The following PDE1C variants were observed in gnomAD, a reference collection of about 807,000 sequenced individuals.
PDE1C encodes dual specificity calcium/calmodulin-dependent 3',5'-cyclic nucleotide phosphodiesterase 1C.
PDE1C carries 62 observed loss-of-function variants against 93.1 expected under a neutral mutation model. That is an observed-to-expected ratio of 0.67 (90% CI 0.54 to 0.82). The LOEUF is 0.82. Ranked by LOEUF, PDE1C falls within the 40% of genes least tolerant of loss-of-function variation. PDE1C has a pLI of 0.00. For synonymous variants in PDE1C, 325 were observed against 310.1 expected, an observed-to-expected ratio of 1.05 and a Z score of -0.50; for missense variants, 742 against 884.6, an observed-to-expected ratio of 0.84 and a Z score of 2.04.
chr7:31,634,789 G>A, the PDE1C span, among the ~76,000 whole-genome samples: 19 of 152,338 alleles, frequency 1.2e-4, no homozygotes, highest in South Asian at 2.3e-3. Flanking sequence ...TAGGTGATAA[G>A]ATCTAGCTGG....
At chr7:32,296,063 T>C (rs1001488309) in intron 1 of PDE1C, among the ~76,000 whole-genome samples, 1 of 152,158 alleles carries the variant, frequency 6.6e-6, no homozygotes, top group Non-Finnish European at 1.5e-5. Context: ...GTTTTTTAAA[T>C]AACACATTTT....
In PDE1C at chr7:32,420,256, T is replaced by C. The variant is rs375558336; in HGVS notation, c.310+7566A>G. Reference sequence around the variant, plus strand: ...GTATATATATGTGTATATATATACATGTGTATATATATGTGTATATATATA... The same window carrying C: ...GTATATATATGTGTATATATATACACGTGTATATATATGTGTATATATATA... On this transcript the variant is annotated intron_variant, in intron 1 of 1. Coordinates refer to the PDE1C transcript ENST00000672256. 5.5e-4 allele frequency among the ~76,000 whole-genome samples: 21 copies of C among 38,464 alleles called. 8 individuals carry two copies. In the East Asian group the frequency reaches 0.013, roughly 25 times the overall value. The allele number at this position is 38,464 out of a possible 152,430, so 25.2% of individuals were successfully genotyped here. A position where few individuals can be genotyped will look rare whatever the true frequency, so the allele number is the denominator to read the frequency against.
the PDE1C span, chr7:31,642,634 C>A: frequency 6.5e-7 from 1 of 1,539,060 alleles, no homozygotes. Flanking sequence ...AACCTATTGC[C>A]TCCTCCACTT....
chr7:32,012,907 T>G (rs891425417), intron 2 of PDE1C, among the ~76,000 whole-genome samples: 1 of 152,230 alleles, frequency 6.6e-6, no homozygotes, highest in African/African-American at 2.4e-5. Flanking sequence ...ATTCATAACA[T>G]ACATTTCACA....
At chr7:31,727,599 G>A in the PDE1C span, among the ~76,000 whole-genome samples, 2 of 152,142 alleles carry the variant, frequency 1.3e-5, no homozygotes, top group East Asian at 1.9e-4. Context: ...TTTTATAGAG[G>A]AGGAAACTGA....
chr7:32,246,096 G>T (rs1562614942), intron 1 of PDE1C, among the ~76,000 whole-genome samples: 2 of 151,044 alleles, frequency 1.3e-5, no homozygotes, highest in African/African-American at 4.9e-5. Context: ...AGCCTCCTGA[G>T]TAGCTGGGAC....
chr7:32,229,357 T>C (rs1807523133), intron 1 of PDE1C, among the ~76,000 whole-genome samples: 1 of 152,170 alleles, frequency 6.6e-6, no homozygotes, highest in Non-Finnish European at 1.5e-5. Context: ...CACATCATAG[T>C]CAACAGATTT....
At chr7:31,695,555 G>A in the PDE1C span, 3 of 1,613,876 alleles carry the variant, frequency 1.9e-6, no homozygotes, top group Non-Finnish European at 1.7e-6. Context: ...CCTGAATGTT[G>A]AGTCAGACCA....
intron 2 of PDE1C, among the ~76,000 whole-genome samples, chr7:31,918,833 T>C (rs904974349): frequency 6.6e-6 from 1 of 152,210 alleles, no homozygotes; most frequent in Admixed American, 6.5e-5. Context: ...CTGCCCTGCG[T>C]AGCCAGAAGC....
intron 3 of PDE1C, among the ~76,000 whole-genome samples, chr7:32,117,877 A>G (rs1375879635): frequency 6.6e-6 from 1 of 152,232 alleles, no homozygotes; most frequent in Non-Finnish European, 1.5e-5. Context: ...TGAACTCATC[A>G]GCCAAAAGAA....
intron 14 of PDE1C, chr7:31,820,728 C>G (rs1274440908): frequency 1.3e-5 from 2 of 152,076 alleles, no homozygotes; most frequent in African/African-American, 4.8e-5. Flanking sequence ...ACCAGTCAAC[C>G]AGTCAACAGC....
chr7:32,356,330 G>GA (rs2128083977), intron 1 of PDE1C, among the ~76,000 whole-genome samples: 1 of 152,208 alleles, frequency 6.6e-6, no homozygotes, highest in Middle Eastern at 3.4e-3. Flanking sequence ...AGAGCAAAGA[G>GA]AAAAAAGGTT....
At position 31,969,404 on chromosome 7, in the gene PDE1C, C is replaced by T. The variant is rs190457131; in HGVS notation, c.128+82150G>A. Reference sequence around the variant, plus strand: ...ACACATGAAAAAATGCTCATCATCACTGGCCATCAGAGAAATGCAAATCAA... The same window carrying T: ...ACACATGAAAAAATGCTCATCATCATTGGCCATCAGAGAAATGCAAATCAA... On this transcript the variant is annotated intron_variant, in intron 2 of 17. Transcript: ENST00000396191. 3.3e-4 allele frequency among the ~76,000 whole-genome samples: 51 copies of T among 152,264 alleles called. No individual in the cohort carries two copies. The East Asian group carries it at 9.3e-3, about 28-fold the overall frequency.
intron 2 of PDE1C, among the ~76,000 whole-genome samples, chr7:31,898,791 G>A (rs1799620382): frequency 6.6e-6 from 1 of 152,102 alleles, no homozygotes; most frequent in African/African-American, 2.4e-5. Flanking sequence ...ACAGAAACCT[G>A]GTAAGACTGT....
chr7:32,296,867 A>G (rs1468138053), intron 1 of PDE1C, among the ~76,000 whole-genome samples: 1 of 152,216 alleles, frequency 6.6e-6, no homozygotes, highest in Non-Finnish European at 1.5e-5. Context: ...ACACCATTTG[A>G]CAGGGAAAGA....
chr7:32,173,976 A>G (rs960178589), intron 2 of PDE1C, among the ~76,000 whole-genome samples: 1 of 152,188 alleles, frequency 6.6e-6, no homozygotes, highest in Non-Finnish European at 1.5e-5. Context: ...CTATCAAGAG[A>G]AAATTAAAGT....
intron 9 of PDE1C, among the ~76,000 whole-genome samples, chr7:31,845,922 A>G (rs1446713311): frequency 1.3e-5 from 2 of 152,012 alleles, no homozygotes; most frequent in African/African-American, 2.4e-5. Flanking sequence ...GAATTTGGGA[A>G]GCGAAGGTTG....
At chr7:31,826,850 G>T (rs142563079) in intron 12 of PDE1C, among the ~76,000 whole-genome samples, 4,160 of 152,252 alleles carry the variant, frequency 0.027, 127 homozygotes, top group Non-Finnish European at 0.034. Flanking sequence ...TAAAGGACCA[G>T]ATAGTTATTT....
chr7:32,160,201 T>C (rs1225984216), intron 3 of PDE1C, among the ~76,000 whole-genome samples: 1 of 152,088 alleles, frequency 6.6e-6, no homozygotes, highest in Non-Finnish European at 1.5e-5. Context: ...AGGGGACTTC[T>C]GAACCAATGA....
Sources: allele counts gnomAD v4.1 joint callset (sites outside exome capture counted in the v4.1 genomes callset), GRCh38; gene constraint gnomAD v4.1.1; transcripts MANE v1.5; gene names NCBI Gene and HGNC (gene_info 2026-07-23, HGNC 2026-07-21).